Variants in CUX1 observed in about 807,000 individuals in gnomAD.
The protein encoded by CUX1 is cut like homeobox 1.
A neutral mutation model predicts 158.8 loss-of-function variants in CUX1; 31 were observed. The observed-to-expected ratio is 0.20, with a 90% CI of 0.15 to 0.26. CUX1 has a LOEUF of 0.26. Ranked by LOEUF, CUX1 falls within the 10% of genes least tolerant of loss-of-function variation. The pLI is 1.00. For synonymous variants in CUX1, 879 were observed against 862.1 expected, an observed-to-expected ratio of 1.02 and a Z score of -0.34; for missense variants, 1,589 against 2,014.6, an observed-to-expected ratio of 0.79 and a Z score of 4.04.
intron 8 of CUX1, among the ~76,000 whole-genome samples, chr7:102,132,984 C>T (rs745636447): frequency 1.3e-5 from 2 of 151,976 alleles, no homozygotes; most frequent in Non-Finnish European, 2.9e-5. Context: ...ATTTGTTTTT[C>T]GTCTCTTGGT....
intron 8 of CUX1, among the ~76,000 whole-genome samples, chr7:102,133,675 C>A (rs1833576739): frequency 6.6e-6 from 1 of 151,948 alleles, no homozygotes; most frequent in African/African-American, 2.4e-5. Context: ...CAGGGTTTCA[C>A]CATGTTGGCC....
chr7:101,859,860 TTTTTCTTTC>T (rs1243493048), intron 1 of CUX1, among the ~76,000 whole-genome samples: 3 of 152,006 alleles, frequency 2.0e-5, no homozygotes, highest in East Asian at 1.9e-4. Context: ...CCTTCTTTCC[TTTTTCTTTC>T]TTTTCTTTCT....
chr7:102,133,851 AC>A (rs761905411), intron 8 of CUX1, among the ~76,000 whole-genome samples: 7 of 152,068 alleles, frequency 4.6e-5, no homozygotes, highest in Non-Finnish European at 7.4e-5. Context: ...AAGCCCCCAC[AC>A]CGGGGTAATT....
chr7:102,202,136 G>A lies in CUX1; in HGVS notation c.2839G>A (p.Glu947Lys), dbSNP rs782294828. 4 of 1,613,924 alleles carry A rather than the reference G, an allele frequency of 2.5e-6. No homozygotes were observed. Among genetic ancestry groups the A allele is most frequent in the East Asian group, 2.2e-5 (1 of 44,874 alleles). The change falls in exon 18 of 24, where the codon GAG (glutamate) becomes AAG (lysine). Residue 947 changes from glutamate to lysine, a missense_variant. Physicochemically the swap from Glu to Lys is moderately conservative, Grantham distance 56. Around this residue, in one of 8 missense-constraint regions of CUX1, gnomAD observed 337 missense variants for 409.3 expected, o/e 0.82. Transcript: ENST00000292535. Reference sequence around the variant, plus strand: ...CATGTACCAGGAGGTGGACACCATCGAGCTCACCCGGCAGGTTAAGGAAAA... The same window carrying A: ...CATGTACCAGGAGGTGGACACCATCAAGCTCACCCGGCAGGTTAAGGAAAA... ...VYMYQEVDTI[E>K]LTRQVKEKLA...
At chr7:102,148,849 C>A (rs1167183373) in intron 8 of CUX1, among the ~76,000 whole-genome samples, 1 of 151,720 alleles carries the variant, frequency 6.6e-6, no homozygotes, top group Non-Finnish European at 1.5e-5. Flanking sequence ...CCCCTCCCAC[C>A]CTTTCCCCGC....
intron 9 of CUX1, among the ~76,000 whole-genome samples, chr7:102,163,441 A>G (rs1008109781): frequency 6.6e-6 from 1 of 152,136 alleles, no homozygotes; most frequent in Non-Finnish European, 1.5e-5. Flanking sequence ...AACCAACACC[A>G]GAGATGCGGG....
At chr7:102,281,987 G>A (rs1376750969) in intron 21 of CUX1, 2 of 1,156,544 alleles carry the variant, frequency 1.7e-6, no homozygotes, top group East Asian at 4.7e-5. Flanking sequence ...CAGGGCAGCA[G>A]GGGCCTGTTA....
At chr7:102,067,386 C>T (rs424478) in intron 3 of CUX1, among the ~76,000 whole-genome samples, 81,530 of 151,362 alleles carry the variant, frequency 0.54, 23,858 homozygotes, top group East Asian at 0.97. Flanking sequence ...TACAGGTGCA[C>T]GCCACCATGC....
At chr7:101,970,898 G>A (rs1811870741) in intron 2 of CUX1, among the ~76,000 whole-genome samples, 1 of 152,168 alleles carries the variant, frequency 6.6e-6, no homozygotes, top group Admixed American at 6.5e-5. Context: ...GGGATCAACT[G>A]ACCTCCTTGG....
At chr7:101,850,790 A>C (rs377015625) in intron 1 of CUX1, among the ~76,000 whole-genome samples, 1 of 152,200 alleles carries the variant, frequency 6.6e-6, no homozygotes, top group African/African-American at 2.4e-5. Flanking sequence ...TTCTGGCCTC[A>C]GAAAAGGCTG....
intron 8 of CUX1, among the ~76,000 whole-genome samples, chr7:102,117,567 G>C (rs563031889): frequency 1.6e-3 from 239 of 152,226 alleles, no homozygotes; most frequent in Admixed American, 3.0e-3. Context: ...CGTGGCCTTG[G>C]GGAGGGAAGA....
At chr7:101,949,623 CG>C (rs1808816900) in intron 2 of CUX1, among the ~76,000 whole-genome samples, 1 of 151,348 alleles carries the variant, frequency 6.6e-6, no homozygotes, top group African/African-American at 2.4e-5. Flanking sequence ...CTCCACCTCC[CG>C]GGTTCAAGTG....
intron 2 of CUX1, among the ~76,000 whole-genome samples, chr7:102,014,282 C>T (rs1313988174): frequency 6.6e-6 from 1 of 152,158 alleles, no homozygotes; most frequent in East Asian, 1.9e-4. Flanking sequence ...TCGGTATGGC[C>T]ACCACTCACT....
intron 18 of CUX1, among the ~76,000 whole-genome samples, chr7:102,278,657 A>AATAAAATAAATAAAATAT: frequency 1.0e-5 from 1 of 99,110 alleles, no homozygotes; most frequent in Middle Eastern, 5.5e-3. Flanking sequence ...AATAAAATAA[A>AATAAAATAAATAAAATAT]AAAATAAAAT....
rs1424374493 is a variant in CUX1 at position 102,254,104 on chromosome 7, A to G, written c.*5062A>G. 1.0e-6 allele frequency: 1 copy of G among 985,280 alleles called. No individual in the cohort carries two copies. Among genetic ancestry groups the G allele is most frequent in the Non-Finnish European group, 1.2e-6 (1 of 829,936 alleles). 61.0% of individuals were successfully genotyped at this position (985,280 alleles called of 1,614,324 possible). On this transcript the variant is annotated 3_prime_UTR_variant, in exon 24 of 24. Transcript: ENST00000292535. ...TCCTTTTGTGAGCGCAACACGGACA[A>G]ACAGCTGTGCTCTGCAAGGCACACG... is the stretch of plus-strand genomic sequence containing the variant.
At chr7:102,188,941 C>A (rs1224133455) in intron 11 of CUX1, 1 of 152,184 alleles carries the variant, frequency 6.6e-6, no homozygotes, top group Non-Finnish European at 1.5e-5. Context: ...AATGTGCCAT[C>A]CCTCCCCTAG....
intron 1 of CUX1, among the ~76,000 whole-genome samples, chr7:101,852,022 G>T (rs1390096216): frequency 6.6e-6 from 1 of 151,580 alleles, no homozygotes; most frequent in Non-Finnish European, 1.5e-5. Context: ...TAGAGATAGG[G>T]TCTCACTATG....
intron 2 of CUX1, among the ~76,000 whole-genome samples, chr7:101,989,897 G>A (rs762723943): frequency 2.0e-5 from 3 of 152,206 alleles, no homozygotes; most frequent in South Asian, 2.1e-4. Flanking sequence ...GTCCGTACAC[G>A]CTCGGTGTGG....
Position 102,182,940 on chromosome 7 carries a change from G to T in CUX1, c.1017+4283G>T, listed in dbSNP as rs760161205. The stretch of plus-strand genomic sequence containing the variant: ...TTTTCTAGAGATGCGTTAAAGATCA[G>T]TGCTTCCCACTGGGTGGATGGTCAC... On this transcript the variant is annotated intron_variant, in intron 11 of 23. Coordinates refer to ENST00000292535, the MANE Select transcript of CUX1 (RefSeq NM_181552.4). 1.1e-4 allele frequency among the ~76,000 whole-genome samples: 17 copies of T among 152,202 alleles called. No individual in the cohort carries two copies. The South Asian group carries it at 1.9e-3, about 17-fold the overall frequency.
Sources: gnomAD v4.1 joint callset for allele counts (sites outside exome capture counted in the v4.1 genomes callset) on GRCh38, gnomAD v4.1.1 for gene constraint, gnomAD v4.1.1 regional missense constraint, MANE v1.5 for transcripts, NCBI Gene and HGNC (gene_info 2026-07-23, HGNC 2026-07-21) for gene names.